Variants in SEMA6D observed in about 807,000 individuals in gnomAD.
SEMA6D encodes semaphorin-6D.
SEMA6D carries 35 observed loss-of-function variants against 106.6 expected under a neutral mutation model. That is an observed-to-expected ratio of 0.33 (90% CI 0.25 to 0.44). The LOEUF (loss-of-function observed/expected upper bound fraction) is 0.44. Among genes scored for constraint, SEMA6D ranks in the 20% least tolerant of loss-of-function variants. SEMA6D has a pLI of 1.00. For synonymous variants in SEMA6D, 499 were observed against 487.7 expected (o/e 1.02, Z -0.31); for missense variants, 1,185 against 1,345.9 (o/e 0.88, Z 1.87).
At chr15:47,602,967 G>A (rs1363626359) in intron 4 of SEMA6D, among the ~76,000 whole-genome samples, 2 of 152,062 alleles carry the variant, frequency 1.3e-5, no homozygotes, top group Non-Finnish European at 2.9e-5. Flanking sequence ...TATAGTCCAG[G>A]CAAGAGGATA....
chr15:47,464,577 G>A (rs189587141), intron 2 of SEMA6D, among the ~76,000 whole-genome samples: 3 of 152,238 alleles, frequency 2.0e-5, no homozygotes, highest in Non-Finnish European at 4.4e-5. Flanking sequence ...GTTTGAGGAG[G>A]TGCCAGTATG....
intron 1 of SEMA6D, among the ~76,000 whole-genome samples, chr15:47,339,857 A>G (rs1454086395): frequency 2.0e-5 from 3 of 151,970 alleles, no homozygotes. Flanking sequence ...CCCTGTCTCC[A>G]AAAACAGAAA....
chr15:47,284,222 C>T (rs915003008), intron 1 of SEMA6D, among the ~76,000 whole-genome samples: 1 of 152,132 alleles, frequency 6.6e-6, no homozygotes, highest in East Asian at 1.9e-4. Context: ...GAACATCTGC[C>T]AGAAGATGTG....
intron 1 of SEMA6D, chr15:47,399,347 T>C (rs1453487609): frequency 6.6e-6 from 1 of 152,202 alleles, no homozygotes; most frequent in Non-Finnish European, 1.5e-5. Context: ...CAAAGCAACA[T>C]TAAACTTTCC....
At chr15:47,215,915 G>A (rs1566931073) in intron 1 of SEMA6D, among the ~76,000 whole-genome samples, 1 of 121,812 alleles carries the variant, frequency 8.2e-6, no homozygotes, top group Non-Finnish European at 1.7e-5. Context: ...TTACAAAGCT[G>A]TGGTCAAAGA....
intron 2 of SEMA6D, among the ~76,000 whole-genome samples, chr15:47,418,064 A>G (rs1315451595): frequency 2.6e-5 from 4 of 152,120 alleles, no homozygotes; most frequent in African/African-American, 9.7e-5. Flanking sequence ...TGCAAAAAGA[A>G]AAAAGAGGAG....
At chr15:47,456,062 C>A (rs1212174228) in intron 2 of SEMA6D, among the ~76,000 whole-genome samples, 2 of 151,958 alleles carry the variant, frequency 1.3e-5, no homozygotes, top group Admixed American at 1.3e-4. Flanking sequence ...ACAGTGGTAA[C>A]TGCTTTACCT....
chr15:47,621,978 C>G (rs2077108965), intron 4 of SEMA6D, among the ~76,000 whole-genome samples: 1 of 152,056 alleles, frequency 6.6e-6, no homozygotes, highest in Non-Finnish European at 1.5e-5. Flanking sequence ...TTGCTGTCTC[C>G]TAAAAGTGTG....
intron 1 of SEMA6D, among the ~76,000 whole-genome samples, chr15:47,332,211 C>T (rs1567004399): frequency 6.6e-6 from 1 of 152,308 alleles, no homozygotes; most frequent in Admixed American, 6.5e-5. Flanking sequence ...TGCCAACAAA[C>T]ACTGCCCGCT....
intron 1 of SEMA6D, among the ~76,000 whole-genome samples, chr15:47,333,990 A>T (rs2037449446): frequency 1.3e-5 from 2 of 152,188 alleles, no homozygotes; most frequent in Admixed American, 1.3e-4. Flanking sequence ...TAGAGGAAGG[A>T]ATGCTAACCA....
At chr15:47,397,545 A>ACGC (rs2040256595) in intron 1 of SEMA6D, 1 of 84,268 alleles carries the variant, frequency 1.2e-5, no homozygotes, top group African/African-American at 4.0e-5. Context: ...GTCTTTCTGA[A>ACGC]CTCCTAATTT....
intron 1 of SEMA6D, among the ~76,000 whole-genome samples, chr15:47,290,844 A>G (rs567535234): frequency 1.6e-4 from 25 of 152,348 alleles, no homozygotes; most frequent in African/African-American, 6.0e-4. Flanking sequence ...ATGGGTGCAT[A>G]GAGTAAGTAA....
At chr15:47,529,672 C>A (rs1175307026) in intron 3 of SEMA6D, among the ~76,000 whole-genome samples, 1 of 145,128 alleles carries the variant, frequency 6.9e-6, no homozygotes, top group Non-Finnish European at 1.5e-5. Context: ...AATTTATTTT[C>A]TCAATATTTA....
intron 4 of SEMA6D, among the ~76,000 whole-genome samples, chr15:47,659,211 T>C (rs1465705574): frequency 6.6e-6 from 1 of 151,972 alleles, no homozygotes; most frequent in African/African-American, 2.4e-5. Flanking sequence ...TATAAAAATG[T>C]ATTTCTACAT....
At chr15:47,350,122 T>TC in intron 1 of SEMA6D, among the ~76,000 whole-genome samples, 1 of 109,260 alleles carries the variant, frequency 9.2e-6, no homozygotes, top group East Asian at 2.7e-4. Context: ...CCGGGTCATG[T>TC]CCCTTAATCA....
intron 3 of SEMA6D, among the ~76,000 whole-genome samples, chr15:47,597,111 G>T (rs1300537375): frequency 6.6e-6 from 1 of 151,830 alleles, no homozygotes; most frequent in East Asian, 1.9e-4. Context: ...TTTAAAAAGG[G>T]CAACAGATAT....
At chr15:47,276,817 C>T (rs7165924) in intron 1 of SEMA6D, among the ~76,000 whole-genome samples, 15,806 of 152,100 alleles carry the variant, frequency 0.1, 1,778 homozygotes, top group African/African-American at 0.28. Context: ...ATATAGCTGC[C>T]TTAGACAGTT....
intron 1 of SEMA6D, among the ~76,000 whole-genome samples, chr15:47,349,578 C>T (rs1244267924): frequency 5.9e-5 from 9 of 151,988 alleles, no homozygotes; most frequent in African/African-American, 1.5e-4. Flanking sequence ...TTTTCATAGC[C>T]AGTATTGTGT....
rs569524648 is a variant in SEMA6D at position 47,649,057 on chromosome 15, A to G, written c.-55+48161A>G. Among the ~76,000 whole-genome samples the G allele has an allele frequency of 1.4e-4, 21 of 152,310 alleles. 1 individual carries two copies. The East Asian group carries it at 3.1e-3, about 22-fold the overall frequency. On this transcript the variant is annotated intron_variant, in intron 4 of 19. Coordinates refer to the SEMA6D transcript ENST00000558014. ...GGATTTACATATTAGGCCACTTTCA[A>G]TGGGCCTATTTTAATATGTAATATT...
Sources: gnomAD v4.1 joint callset for allele counts (sites outside exome capture counted in the v4.1 genomes callset) on GRCh38, gnomAD v4.1.1 for gene constraint, MANE v1.5 for transcripts, NCBI Gene and HGNC (gene_info 2026-07-23, HGNC 2026-07-21) for gene names.